Variants in RSBN1L observed in about 807,000 individuals in gnomAD.
The protein encoded by RSBN1L is lysine-specific demethylase RSBN1L.
Under a neutral mutation model 67.7 loss-of-function variants are expected in RSBN1L, and 30 were observed. The observed-to-expected ratio is 0.44, with a 90% confidence interval of 0.33 to 0.60. The LOEUF (loss-of-function observed/expected upper bound fraction) is 0.60. RSBN1L is among the 20% of genes least tolerant of loss of function. RSBN1L has a pLI of 0.02. For synonymous variants in RSBN1L, 433 were observed against 387.0 expected (o/e 1.12, Z -1.39); for missense variants, 992 against 1,031.7 (o/e 0.96, Z 0.53).
At chr7:77,770,155 C>T (rs950785622) in intron 5 of RSBN1L, among the ~76,000 whole-genome samples, 1 of 151,228 alleles carries the variant, frequency 6.6e-6, no homozygotes, top group African/African-American at 2.4e-5. Flanking sequence ...GGTGGATTAC[C>T]TGAAGTCAGG....
intron 1 of RSBN1L, among the ~76,000 whole-genome samples, chr7:77,722,830 T>C (rs1791137524): frequency 6.6e-6 from 1 of 152,024 alleles, no homozygotes; most frequent in Non-Finnish European, 1.5e-5. Flanking sequence ...TGCGTTATTA[T>C]GGTGTGAATT....
chr7:77,697,132 A>T lies in RSBN1L; in HGVS notation c.586+77A>T. 6.2e-6 allele frequency: 8 copies of T among 1,291,378 alleles called. 1 individual carries two copies. The highest frequency in any genetic ancestry group is 5.9e-6 in the Non-Finnish European group (6 of 1,022,728). The allele number at this position is 1,291,378 out of a possible 1,614,324, so 80.0% of individuals were successfully genotyped here. The stretch of plus-strand genomic sequence containing the variant: ...CCCCTGGCGCCCACGGGGCCCGGGA[A>T]GGGGGAGCGCGGCGGCCGCGTGCGC... On this transcript the variant is annotated intron_variant, in intron 1 of 7. Transcript: ENST00000334955.
At chr7:77,778,242 G>A (rs1791944678) in intron 6 of RSBN1L, 96 bp from the exon 7 acceptor site, 2 of 777,134 alleles carry the variant, frequency 2.6e-6, no homozygotes, top group Non-Finnish European at 4.3e-6. Flanking sequence ...CAGTACTATG[G>A]TATTGACCAT....
chr7:77,699,250 C>T (rs1346150917), intron 1 of RSBN1L, among the ~76,000 whole-genome samples: 2 of 152,112 alleles, frequency 1.3e-5, no homozygotes, highest in African/African-American at 4.8e-5. Context: ...GAGTCAGAAC[C>T]AGACATTAGC....
intron 5 of RSBN1L, among the ~76,000 whole-genome samples, chr7:77,771,302 C>T (rs567218331): frequency 1.2e-4 from 18 of 152,114 alleles, no homozygotes; most frequent in African/African-American, 2.4e-4. Flanking sequence ...TTACTGGTTA[C>T]GGTGATTATT....
At chr7:77,733,947 C>T (rs1211213026) in intron 1 of RSBN1L, among the ~76,000 whole-genome samples, 2 of 152,090 alleles carry the variant, frequency 1.3e-5, no homozygotes, top group Admixed American at 1.3e-4. Flanking sequence ...GCCAACATGG[C>T]GAAACCCCAT....
At chr7:77,731,936 A>G (rs1327198420) in intron 1 of RSBN1L, among the ~76,000 whole-genome samples, 2 of 151,934 alleles carry the variant, frequency 1.3e-5, no homozygotes, top group South Asian at 2.1e-4. Context: ...GATTGTATTT[A>G]AGTGGATCTG....
intron 1 of RSBN1L, among the ~76,000 whole-genome samples, chr7:77,699,067 A>G (rs1790779083): frequency 6.6e-6 from 1 of 152,244 alleles, no homozygotes; most frequent in African/African-American, 2.4e-5. Context: ...TGCAAATATG[A>G]AAGTCCTGAT....
Position 77,778,407 on chromosome 7 carries a change from A to G in RSBN1L, c.1863A>G (p.Gln621=), listed in dbSNP as rs748020593. 2 of 1,613,574 alleles carry G rather than the reference A, an allele frequency of 1.2e-6. No individual in the cohort carries two copies. Among genetic ancestry groups the G allele is most frequent in the Non-Finnish European group, 8.5e-7 (1 of 1,179,686 alleles). The change falls in exon 7 of 8, where the codon CAA becomes CAG. Residue 621 remains glutamine, a synonymous_variant. Coordinates refer to ENST00000334955, the MANE Select transcript of RSBN1L (RefSeq NM_198467.3). Reference sequence around the variant, plus strand: ...CTGAAGATTTCTTAGAAGTAGTTCAACGAATGCAGTTAGATTTACATGAAC... The same window carrying G: ...CTGAAGATTTCTTAGAAGTAGTTCAGCGAATGCAGTTAGATTTACATGAAC... ...FHAEDFLEVV[Q]RMQLDLHEPP...
chr7:77,737,425 A>G (rs1454086303), intron 2 of RSBN1L, among the ~76,000 whole-genome samples: 1 of 152,204 alleles, frequency 6.6e-6, no homozygotes. Context: ...GGTAGTTTAT[A>G]TTATCTAAGA....
chr7:77,779,254 C>T lies in RSBN1L; in HGVS notation c.*86C>T, dbSNP rs1791962961. The T allele has an allele frequency of 3.3e-6, 3 of 905,766 alleles. No individual in the cohort carries two copies. Among genetic ancestry groups the T allele is most frequent in the Non-Finnish European group, 3.3e-6 (2 of 602,186 alleles). The allele number at this position is 905,766 out of a possible 1,614,324, so 56.1% of individuals were successfully genotyped here. Reference sequence around the variant, plus strand: ...ATTCTGAAAGCAAGCCAAGGACTTGCTCCTATGTCTGTTACAAAACATAGT... The same window carrying T: ...ATTCTGAAAGCAAGCCAAGGACTTGTTCCTATGTCTGTTACAAAACATAGT... On this transcript the variant is annotated 3_prime_UTR_variant, in exon 8 of 8. Coordinates refer to ENST00000334955, the MANE Select transcript of RSBN1L (RefSeq NM_198467.3).
intron 1 of RSBN1L, among the ~76,000 whole-genome samples, chr7:77,699,096 T>C (rs956536470): frequency 2.8e-4 from 42 of 152,330 alleles, no homozygotes; most frequent in Admixed American, 2.6e-3. Flanking sequence ...CAATGATCAT[T>C]TCTCTGTGCT....
intron 3 of RSBN1L, among the ~76,000 whole-genome samples, chr7:77,753,728 CTT>C (rs995784434): frequency 6.6e-6 from 1 of 152,274 alleles, no homozygotes; most frequent in African/African-American, 2.4e-5. Flanking sequence ...CTTCTGGAAA[CTT>C]TTATTGTTTT....
chr7:77,726,014 A>T (rs578261161), intron 1 of RSBN1L, among the ~76,000 whole-genome samples: 1 of 152,144 alleles, frequency 6.6e-6, no homozygotes, highest in East Asian at 1.9e-4. Context: ...TTATATACAC[A>T]TACATATACA....
At chr7:77,708,422 C>G (rs959510837) in intron 1 of RSBN1L, among the ~76,000 whole-genome samples, 2 of 150,678 alleles carry the variant, frequency 1.3e-5, no homozygotes, top group African/African-American at 4.9e-5. Flanking sequence ...CGCTCTGTCA[C>G]CCAGGCTGGA....
At chr7:77,708,774 G>A (rs2150412757) in intron 1 of RSBN1L, among the ~76,000 whole-genome samples, 1 of 152,276 alleles carries the variant, frequency 6.6e-6, no homozygotes, top group South Asian at 2.1e-4. Flanking sequence ...CATAACTTTG[G>A]CATTGTGTAG....
chr7:77,706,364 C>G (rs973297144), intron 1 of RSBN1L, among the ~76,000 whole-genome samples: 2 of 152,136 alleles, frequency 1.3e-5, no homozygotes, highest in Non-Finnish European at 2.9e-5. Context: ...GCCTGAGCCA[C>G]CGCGCCCAGC....
chr7:77,764,540 G>A (rs1791737562), intron 3 of RSBN1L, among the ~76,000 whole-genome samples: 2 of 152,064 alleles, frequency 1.3e-5, no homozygotes, highest in African/African-American at 4.8e-5. Flanking sequence ...CACAGCTCAA[G>A]GAACGCAAAT....
intron 1 of RSBN1L, among the ~76,000 whole-genome samples, chr7:77,699,383 T>C (rs1030242313): frequency 6.6e-6 from 1 of 152,210 alleles, no homozygotes; most frequent in African/African-American, 2.4e-5. Flanking sequence ...TATTTATTAA[T>C]AGTAGGGCTT....
Sources: gnomAD v4.1 joint callset for allele counts (sites outside exome capture counted in the v4.1 genomes callset) on GRCh38, gnomAD v4.1.1 for gene constraint, MANE v1.5 for transcripts, NCBI Gene and HGNC (gene_info 2026-07-23, HGNC 2026-07-21) for gene names.